FBXL7: variants seen among roughly 807,000 people sequenced by gnomAD.
The protein encoded by FBXL7 is F-box and leucine rich repeat protein 7, also known as F-box/LRR-repeat protein 7.
FBXL7 carries 12 observed loss-of-function variants against 38.3 expected under a neutral mutation model. The observed-to-expected ratio is 0.31, with a 90% confidence interval of 0.20 to 0.51. FBXL7 has a LOEUF of 0.51. Among genes scored for constraint, FBXL7 ranks in the 20% least tolerant of loss-of-function variants. The pLI is 0.98. For missense variants in FBXL7, 567 were observed against 676.4 expected (o/e 0.84, Z 1.79); for synonymous variants, 297 against 300.9 (o/e 0.99, Z 0.13).
chr5:15,636,912 G>A (rs1741203632), intron 2 of FBXL7, among the ~76,000 whole-genome samples: 1 of 152,012 alleles, frequency 6.6e-6, no homozygotes, highest in African/African-American at 2.4e-5. Context: ...GTTGATATTG[G>A]AAGTAGTGCA....
At chr5:15,725,932 C>G (rs558335963) in intron 2 of FBXL7, among the ~76,000 whole-genome samples, 63 of 152,230 alleles carry the variant, frequency 4.1e-4, no homozygotes, top group African/African-American at 1.5e-3. Context: ...CTTATCCTGT[C>G]TGGTTGTTTT....
intron 1 of FBXL7, among the ~76,000 whole-genome samples, chr5:15,532,612 A>G (rs1024315672): frequency 3.3e-5 from 5 of 152,244 alleles, no homozygotes; most frequent in Admixed American, 6.5e-5. Context: ...CCTGGTGGCC[A>G]GAAATAAAAT....
At chr5:15,686,909 C>T (rs748692080) in intron 2 of FBXL7, among the ~76,000 whole-genome samples, 6 of 152,252 alleles carry the variant, frequency 3.9e-5, no homozygotes, top group South Asian at 2.1e-4. Context: ...AACGCCTGGC[C>T]GAGGCTAGTT....
At chr5:15,696,766 C>T (rs1183069837) in intron 2 of FBXL7, among the ~76,000 whole-genome samples, 7 of 152,198 alleles carry the variant, frequency 4.6e-5, no homozygotes, top group Non-Finnish European at 1.0e-4. Context: ...CCCAGATAGA[C>T]ATTGAGAACC....
chr5:15,646,236 G>C (rs1057455500), intron 2 of FBXL7, among the ~76,000 whole-genome samples: 1 of 152,092 alleles, frequency 6.6e-6, no homozygotes, highest in African/African-American at 2.4e-5. Flanking sequence ...TTCCTTTCTG[G>C]AATTATTCTA....
At chr5:15,902,025 A>G (rs1741245204) in intron 2 of FBXL7, among the ~76,000 whole-genome samples, 1 of 151,872 alleles carries the variant, frequency 6.6e-6, no homozygotes, top group Admixed American at 6.6e-5. Context: ...TAAACACTCC[A>G]CTCCTCTCAT....
At chr5:15,858,200 A>G (rs1462233710) in intron 2 of FBXL7, among the ~76,000 whole-genome samples, 1 of 149,932 alleles carries the variant, frequency 6.7e-6, no homozygotes, top group Admixed American at 6.7e-5. Flanking sequence ...GAAAAAGTAT[A>G]TATATATTTT....
intron 1 of FBXL7, among the ~76,000 whole-genome samples, chr5:15,604,065 G>A (rs1184457225): frequency 6.6e-6 from 1 of 152,172 alleles, no homozygotes; most frequent in Non-Finnish European, 1.5e-5. Flanking sequence ...GAACTCGGAA[G>A]GCAGAGGTTG....
At chr5:15,640,823 C>T (rs916465768) in intron 2 of FBXL7, among the ~76,000 whole-genome samples, 3 of 152,154 alleles carry the variant, frequency 2.0e-5, no homozygotes, top group Non-Finnish European at 2.9e-5. Flanking sequence ...CGTGCCTGGC[C>T]GGGGTGAGGG....
chr5:15,647,383 A>G (rs1012592718), intron 2 of FBXL7, among the ~76,000 whole-genome samples: 5 of 152,196 alleles, frequency 3.3e-5, no homozygotes, highest in African/African-American at 1.2e-4. Flanking sequence ...CATTCCATGT[A>G]GCATCTCTTA....
At chr5:15,504,630 A>T (rs1433674221) in intron 1 of FBXL7, among the ~76,000 whole-genome samples, 3 of 152,232 alleles carry the variant, frequency 2.0e-5, no homozygotes, top group Non-Finnish European at 4.4e-5. Context: ...GATAAAGCTA[A>T]TATCTACGTG....
At chr5:15,702,323 A>T (rs913668661) in intron 2 of FBXL7, among the ~76,000 whole-genome samples, 5 of 152,166 alleles carry the variant, frequency 3.3e-5, no homozygotes, top group African/African-American at 1.2e-4. Flanking sequence ...GTATTGCTTG[A>T]AAAGTAAAGT....
At chr5:15,596,333 G>C (rs778055264) in intron 1 of FBXL7, among the ~76,000 whole-genome samples, 2 of 152,120 alleles carry the variant, frequency 1.3e-5, no homozygotes, top group African/African-American at 4.8e-5. Flanking sequence ...TAATAGATGA[G>C]TAATTATTCA....
At chr5:15,804,328 G>T (rs113713968) in intron 2 of FBXL7, among the ~76,000 whole-genome samples, 2 of 152,030 alleles carry the variant, frequency 1.3e-5, no homozygotes, top group African/African-American at 4.8e-5. Flanking sequence ...AACTAGCCAG[G>T]CATGGTGGCA....
intron 1 of FBXL7, among the ~76,000 whole-genome samples, chr5:15,590,786 T>TAGGTTCCCA (rs1273435792): frequency 1.3e-5 from 2 of 152,148 alleles, no homozygotes; most frequent in Admixed American, 6.5e-5. Flanking sequence ...ATGCCACTGT[T>TAGGTTCCCA]AGGTTCCCAG....
At chr5:15,641,051 G>C (rs1211363059) in intron 2 of FBXL7, among the ~76,000 whole-genome samples, 3 of 152,140 alleles carry the variant, frequency 2.0e-5, no homozygotes, top group African/African-American at 7.2e-5. Context: ...AGTTTCTTGT[G>C]GCCTGAGCTT....
Position 15,650,790 on chromosome 5 carries a change from A to G in FBXL7, c.127+34718A>G, listed in dbSNP as rs557469874. On this transcript the variant is annotated intron_variant, in intron 2 of 3. Coordinates refer to ENST00000504595, the MANE Select transcript of FBXL7 (RefSeq NM_012304.5). The stretch of plus-strand genomic sequence containing the variant: ...TAAGAAGCAACTCCTCTTCTTTTCA[A>G]GTTTGATCATGAGATTGCAGCAATT... Among the ~76,000 whole-genome samples, 10 of 152,302 alleles carry G rather than the reference A, an allele frequency of 6.6e-5. No homozygotes were observed. In the South Asian group the frequency reaches 2.1e-3, roughly 32 times the overall value.
At chr5:15,774,807 G>A (rs1736818772) in intron 2 of FBXL7, among the ~76,000 whole-genome samples, 1 of 152,184 alleles carries the variant, frequency 6.6e-6, no homozygotes, top group Non-Finnish European at 1.5e-5. Context: ...GAAAGTGGGT[G>A]CATCTTTGGT....
chr5:15,500,553 C>T lies in FBXL7; in HGVS notation c.-124C>T, dbSNP rs1736459600. ...GACCTCTCCAGGCCGGAGGTCGGCC[C>T]CGGAGCTTGGGGGGGATGTGCAGCT... On this transcript the variant is annotated 5_prime_UTR_variant, in exon 1 of 4. Coordinates refer to ENST00000504595, the MANE Select transcript of FBXL7 (RefSeq NM_012304.5). 2 of 1,398,064 alleles carry T rather than the reference C, an allele frequency of 1.4e-6. No homozygotes were observed. Among genetic ancestry groups the T allele is most frequent in the African/African-American group, 1.4e-5 (1 of 70,620 alleles). 86.6% of individuals were successfully genotyped at this position (1,398,064 alleles called of 1,614,324 possible).
Sources: gnomAD v4.1 joint callset for allele counts (sites outside exome capture counted in the v4.1 genomes callset) on GRCh38, gnomAD v4.1.1 for gene constraint, MANE v1.5 for transcripts, NCBI Gene and HGNC (gene_info 2026-07-23, HGNC 2026-07-21) for gene names.